The following COG3 variants were observed in gnomAD, a reference collection of about 807,000 sequenced individuals.
The protein encoded by COG3 is conserved oligomeric Golgi complex subunit 3.
Under a neutral mutation model 114.1 loss-of-function variants are expected in COG3, and 32 were observed. The ratio of observed to expected loss-of-function variants is 0.28; its 90% confidence interval spans 0.21 to 0.38. The LOEUF (loss-of-function observed/expected upper bound fraction) is 0.38. Among genes scored for constraint, COG3 ranks in the 10% least tolerant of loss-of-function variants. The pLI, the probability that COG3 is intolerant of heterozygous loss-of-function variation, is 1.00. For synonymous variants in COG3, 352 were observed against 365.7 expected (o/e 0.96, Z 0.43); for missense variants, 813 against 973.2 (o/e 0.84, Z 2.19).
chr13:45,513,187 A>ATATATATATATAATATATACATATAAAT (rs764524329), intron 16 of COG3, among the ~76,000 whole-genome samples: 7 of 121,916 alleles, frequency 5.7e-5, no homozygotes, highest in Non-Finnish European at 1.0e-4. Context: ...AGGCTTTTAT[A>ATATATATATATAATATATACATATAAAT]TATATATATA....
intron 1 of COG3, among the ~76,000 whole-genome samples, chr13:45,466,358 G>T (rs964844608): frequency 6.6e-6 from 1 of 152,042 alleles, no homozygotes; most frequent in African/African-American, 2.4e-5. Flanking sequence ...CTTTTTATAC[G>T]ATTTGGAATT....
intron 8 of COG3, among the ~76,000 whole-genome samples, chr13:45,487,936 T>G (rs1038655152): frequency 6.6e-6 from 1 of 152,186 alleles, no homozygotes; most frequent in African/African-American, 2.4e-5. Context: ...CTGTGTTGAT[T>G]GCAGCACTAT....
At chr13:45,498,064 T>C (rs1456476471) in intron 13 of COG3, among the ~76,000 whole-genome samples, 2 of 152,204 alleles carry the variant, frequency 1.3e-5, no homozygotes, top group Admixed American at 6.5e-5. Flanking sequence ...AAAAACAGTG[T>C]AGTTCCTTAA....
chr13:45,504,087 A>G lies in COG3; in HGVS notation c.1594+738A>G, dbSNP rs111900037. On this transcript the variant is annotated intron_variant, in intron 14 of 22. Coordinates refer to ENST00000349995, the MANE Select transcript of COG3 (RefSeq NM_031431.4). ...TAAGCCATCTCTTCCCCACCCAGCTATAAGAGTGGCCCTAAAGCGTAGCTC... is the reference window on the plus strand; with the variant it reads ...TAAGCCATCTCTTCCCCACCCAGCTGTAAGAGTGGCCCTAAAGCGTAGCTC... 7.8e-4 allele frequency among the ~76,000 whole-genome samples: 119 copies of G among 152,266 alleles called. 1 individual carries two copies. The highest frequency in any genetic ancestry group is 3.4e-3 in the Middle Eastern group (1 of 294).
chr13:45,482,846 G>A (rs991855867), intron 6 of COG3, among the ~76,000 whole-genome samples: 1 of 152,192 alleles, frequency 6.6e-6, no homozygotes, highest in African/African-American at 2.4e-5. Context: ...TACTTGGGGG[G>A]AAATAAAGGG....
At chr13:45,495,662 G>A (rs1262119069) in intron 12 of COG3, among the ~76,000 whole-genome samples, 1 of 152,154 alleles carries the variant, frequency 6.6e-6, no homozygotes, top group African/African-American at 2.4e-5. Flanking sequence ...TTATAGGTGT[G>A]AGCCACTGCG....
chr13:45,510,520 A>G (rs1870742969), intron 15 of COG3, among the ~76,000 whole-genome samples: 1 of 152,230 alleles, frequency 6.6e-6, no homozygotes, highest in Non-Finnish European at 1.5e-5. Context: ...GCTGAGATTC[A>G]GCAACTTCCT....
At chr13:45,494,386 C>T (rs1868487393) in intron 12 of COG3, among the ~76,000 whole-genome samples, 1 of 151,066 alleles carries the variant, frequency 6.6e-6, no homozygotes, top group Admixed American at 6.6e-5. Flanking sequence ...ATTTATTGTC[C>T]TCAGTTTGGC....
rs574875554 is a variant in COG3 at position 45,473,081 on chromosome 13, G to A, written c.175-3120G>A. On this transcript the variant is annotated intron_variant, in intron 1 of 22. Coordinates refer to ENST00000349995, the MANE Select transcript of COG3 (RefSeq NM_031431.4). ...AGATGGGGTTTCACCGTGTTAGTCA[G>A]GATGGTCTTGATCTCCTGACCTCGT... Among the ~76,000 whole-genome samples, 4 of 152,266 alleles carry A rather than the reference G, an allele frequency of 2.6e-5. 1 individual carries two copies. The South Asian group carries it at 8.3e-4, about 32-fold the overall frequency.
intron 1 of COG3, chr13:45,466,771 TATTCTC>T (rs1442883309): frequency 6.6e-6 from 1 of 152,236 alleles, no homozygotes; most frequent in Admixed American, 6.5e-5. Context: ...TATTATTTCT[TATTCTC>T]ATTGAGCATG....
intron 13 of COG3, among the ~76,000 whole-genome samples, chr13:45,502,456 T>G (rs1267012735): frequency 6.6e-6 from 1 of 152,126 alleles, no homozygotes; most frequent in African/African-American, 2.4e-5. Context: ...GCAGTAAATA[T>G]GCTTACTGTG....
Position 45,480,264 on chromosome 13 carries a change from G to A in COG3, c.523G>A (p.Ala175Thr). Residue 175 changes from alanine to threonine, a missense_variant, in exon 4 of 23, where the codon GCC becomes ACC. By Grantham distance (58) the Ala-to-Thr change is moderately conservative. Around this residue, in one of 2 missense-constraint regions of COG3, gnomAD observed 424 missense variants for 430.6 expected, o/e 0.98. Coordinates refer to ENST00000349995, the MANE Select transcript of COG3 (RefSeq NM_031431.4). ...CAATAAGACAGGAACCCTACATGAA[G>A]CCTGTGAACAGCTCCTAAAAGAACA... ...VSNKTGTLHE[A>T]CEQLLKEQSE... 1 of 1,612,700 alleles carries A rather than the reference G, an allele frequency of 6.2e-7. No individual in the cohort carries two copies. Among genetic ancestry groups the A allele is most frequent in the South Asian group, 1.1e-5 (1 of 90,846 alleles).
At chr13:45,513,306 ATATACATATAAAT>A in intron 16 of COG3, among the ~76,000 whole-genome samples, 1 of 136,620 alleles carries the variant, frequency 7.3e-6, no homozygotes, top group Non-Finnish European at 1.5e-5. Flanking sequence ...TACATATAAT[ATATACATATAAAT>A]TATACATATA....
intron 1 of COG3, among the ~76,000 whole-genome samples, chr13:45,469,462 AG>A (rs1436206427): frequency 6.6e-6 from 1 of 152,246 alleles, no homozygotes; most frequent in Non-Finnish European, 1.5e-5. Context: ...TATTTATAGA[AG>A]GCAGGAAGCA....
In COG3 at chr13:45,476,239, A is replaced by G. The variant is rs1473144442; in HGVS notation, c.213A>G (p.Ser71=). 4 of 1,614,004 alleles carry G rather than the reference A, an allele frequency of 2.5e-6. No individual in the cohort carries two copies. The highest frequency in any genetic ancestry group is 1.7e-5 in the Admixed American group (1 of 60,018). The change falls in exon 2 of 23, where the codon TCA becomes TCG. Residue 71 remains serine (S), a synonymous_variant. Coordinates refer to ENST00000349995, the MANE Select transcript of COG3 (RefSeq NM_031431.4). ...IEDLCSLTSQ[S]LPIELTSVVP... The stretch of plus-strand genomic sequence containing the variant: ...ACTTGTGCAGTTTAACATCCCAGTC[A>G]CTGCCCATTGAACTGACTTCAGTAG...
At chr13:45,524,259 A>T (rs1257264164) in intron 19 of COG3, among the ~76,000 whole-genome samples, 3 of 152,300 alleles carry the variant, frequency 2.0e-5, no homozygotes, top group Admixed American at 2.0e-4. Flanking sequence ...CTATTTTAAA[A>T]CACGTTTTAT....
At chr13:45,483,821 A>G (rs1183878134) in intron 7 of COG3, among the ~76,000 whole-genome samples, 1 of 152,082 alleles carries the variant, frequency 6.6e-6, no homozygotes, top group Middle Eastern at 3.2e-3. Flanking sequence ...CAACTTTTCT[A>G]TATTTAGCAA....
chr13:45,506,342 A>G (rs1870142229), intron 14 of COG3, among the ~76,000 whole-genome samples: 1 of 152,122 alleles, frequency 6.6e-6, no homozygotes, highest in Non-Finnish European at 1.5e-5. Flanking sequence ...AAGAACAGCC[A>G]GCGTGGTCAG....
At chr13:45,534,653 G>A in intron 22 of COG3, 49 bp from the exon 23 acceptor site, 1 of 1,415,232 alleles carries the variant, frequency 7.1e-7, no homozygotes. Flanking sequence ...TTTTCTTGAG[G>A]ACGGTATTCC....
Sources: allele counts gnomAD v4.1 joint callset (sites outside exome capture counted in the v4.1 genomes callset), GRCh38; gene constraint gnomAD v4.1.1; regional missense constraint gnomAD v4.1.1; transcripts MANE v1.5; gene names NCBI Gene and HGNC (gene_info 2026-07-23, HGNC 2026-07-21).